Variants in CACNB2 observed in about 807,000 individuals in gnomAD.
CACNB2 encodes the protein calcium voltage-gated channel auxiliary subunit beta 2.
Under a neutral mutation model 73.3 loss-of-function variants are expected in CACNB2, and 42 were observed. That is an observed-to-expected ratio of 0.57 (90% confidence interval 0.45 to 0.74). The LOEUF (loss-of-function observed/expected upper bound fraction) is 0.74, where lower values mean the gene tolerates loss of function less well. Among genes scored for constraint, CACNB2 ranks in the 30% least tolerant of loss-of-function variants. The pLI, the probability that CACNB2 is intolerant of heterozygous loss-of-function variation, is 0.00. For missense variants in CACNB2, 940 were observed against 853.0 expected, an observed-to-expected ratio of 1.10 and a Z score of -1.27; for synonymous variants, 348 against 310.3, an observed-to-expected ratio of 1.12 and a Z score of -1.28.
intron 2 of CACNB2, among the ~76,000 whole-genome samples, chr10:18,152,721 A>AAAC (rs1564298303): frequency 7.5e-6 from 1 of 134,158 alleles, no homozygotes; most frequent in African/African-American, 3.1e-5. Flanking sequence ...AAAAAAAAAA[A>AAAC]AAAAAAAAAA....
intron 2 of CACNB2, among the ~76,000 whole-genome samples, chr10:18,177,551 C>A (rs1453492089): frequency 1.3e-5 from 2 of 150,938 alleles, no homozygotes; most frequent in African/African-American, 4.9e-5. Flanking sequence ...GGCACTCCAG[C>A]CTGGAAGACA....
chr10:18,266,590 T>G (rs1382995272), intron 2 of CACNB2, among the ~76,000 whole-genome samples: 1 of 151,996 alleles, frequency 6.6e-6, no homozygotes, highest in African/African-American at 2.4e-5. Context: ...TCCCGACAGT[T>G]AAAATAAGTG....
At position 18,508,456 on chromosome 10, in the gene CACNB2, T is replaced by C. The variant is rs115250387; in HGVS notation, c.670+1909T>C. Among the ~76,000 whole-genome samples, 135 of 152,300 alleles carry C rather than the reference T, an allele frequency of 8.9e-4. 1 individual carries two copies. Among genetic ancestry groups the C allele is most frequent in the African/African-American group, 3.2e-3 (131 of 41,570 alleles). On this transcript the variant is annotated intron_variant, in intron 6 of 13. Transcript: ENST00000324631. ...TTCCTATATAAACCTTACACTCTTATATATCTCAAAGATGATTTCAGTGAT... is the reference window on the plus strand; with the variant it reads ...TTCCTATATAAACCTTACACTCTTACATATCTCAAAGATGATTTCAGTGAT...
intron 2 of CACNB2, among the ~76,000 whole-genome samples, chr10:18,319,951 G>C (rs903785490): frequency 6.6e-6 from 1 of 152,218 alleles, no homozygotes; most frequent in Non-Finnish European, 1.5e-5. Flanking sequence ...CAGTGGTGAG[G>C]ATAGCAGCAC....
intron 2 of CACNB2, among the ~76,000 whole-genome samples, chr10:18,381,330 C>T (rs2043007149): frequency 6.6e-6 from 1 of 151,650 alleles, no homozygotes; most frequent in Non-Finnish European, 1.5e-5. Context: ...ATTGGTAAAA[C>T]CATTTGGTAA....
chr10:18,266,329 T>C lies in CACNB2; in HGVS notation c.213+115354T>C, dbSNP rs573140378. Among the ~76,000 whole-genome samples the C allele has an allele frequency of 3.9e-5, 6 of 152,292 alleles. No individual in the cohort carries two copies. In the South Asian group the frequency reaches 1.2e-3, roughly 32 times the overall value. On this transcript the variant is annotated intron_variant, in intron 2 of 13. Transcript: ENST00000324631. ...CAAGCTGAAATTGACTCTTATTCCA[T>C]GTATAGTGCTTTGGTCATCTTGTTT...
chr10:18,216,975 C>A (rs768161991), intron 2 of CACNB2, among the ~76,000 whole-genome samples: 54 of 152,244 alleles, frequency 3.5e-4, no homozygotes, highest in Middle Eastern at 6.8e-3. Flanking sequence ...CTAGCAATAA[C>A]CCAGAGATCC....
intron 2 of CACNB2, among the ~76,000 whole-genome samples, chr10:18,160,025 T>G (rs2032343070): frequency 1.3e-5 from 2 of 152,192 alleles, no homozygotes; most frequent in Non-Finnish European, 2.9e-5. Context: ...AGTCCCTTGT[T>G]TTTTCTGTAG....
At chr10:18,331,599 C>A (rs903381238) in intron 2 of CACNB2, among the ~76,000 whole-genome samples, 1 of 151,984 alleles carries the variant, frequency 6.6e-6, no homozygotes, top group Non-Finnish European at 1.5e-5. Flanking sequence ...CTTGTTCCTC[C>A]AACATGTTAC....
At chr10:18,386,752 T>C (rs984470378) in intron 2 of CACNB2, among the ~76,000 whole-genome samples, 11 of 152,282 alleles carry the variant, frequency 7.2e-5, no homozygotes, top group African/African-American at 2.6e-4. Context: ...ATAGCTTTTA[T>C]GTTTTGGAGT....
chr10:18,255,401 G>A (rs79629259), intron 2 of CACNB2, among the ~76,000 whole-genome samples: 3,521 of 152,154 alleles, frequency 0.023, 131 homozygotes, highest in African/African-American at 0.081. Flanking sequence ...TCTAATTCTC[G>A]AAGATGTCAA....
intron 3 of CACNB2, among the ~76,000 whole-genome samples, chr10:18,460,810 A>G (rs896495540): frequency 5.1e-4 from 76 of 150,264 alleles, no homozygotes; most frequent in Non-Finnish European, 2.1e-4. Context: ...AGACCACTTG[A>G]GCGTGGGAGG....
intron 2 of CACNB2, chr10:18,261,366 T>G: frequency 1.3e-6 from 2 of 1,551,468 alleles, no homozygotes; most frequent in Non-Finnish European, 1.7e-6. Flanking sequence ...AAAATACTAT[T>G]CGTGTCTGTC....
At chr10:18,399,575 G>T (rs2043886424) in intron 2 of CACNB2, among the ~76,000 whole-genome samples, 1 of 152,000 alleles carries the variant, frequency 6.6e-6, no homozygotes, top group Non-Finnish European at 1.5e-5. Flanking sequence ...TTGAGATAGG[G>T]TCTCACTATG....
intron 2 of CACNB2, among the ~76,000 whole-genome samples, chr10:18,372,648 C>T (rs990746133): frequency 3.3e-5 from 5 of 152,186 alleles, no homozygotes; most frequent in Non-Finnish European, 7.3e-5. Flanking sequence ...CTCAGGTCAT[C>T]CACCCGCCTT....
intron 2 of CACNB2, among the ~76,000 whole-genome samples, chr10:18,226,025 C>A (rs1159378062): frequency 7.1e-6 from 1 of 140,114 alleles, no homozygotes; most frequent in Admixed American, 6.7e-5. Context: ...CTTTTCTTTT[C>A]TTTTCTTTTT....
At chr10:18,354,586 G>T (rs1310437520) in intron 2 of CACNB2, among the ~76,000 whole-genome samples, 1 of 152,116 alleles carries the variant, frequency 6.6e-6, no homozygotes, top group Non-Finnish European at 1.5e-5. Flanking sequence ...TTATTTTGTG[G>T]TGTTTTTGTT....
At chr10:18,373,719 A>AT (rs1229710074) in intron 2 of CACNB2, among the ~76,000 whole-genome samples, 1 of 152,064 alleles carries the variant, frequency 6.6e-6, no homozygotes, top group Non-Finnish European at 1.5e-5. Context: ...TTTCATTAGT[A>AT]TTTTTTTGAT....
chr10:18,496,974 G>C (rs1192719581), intron 3 of CACNB2, among the ~76,000 whole-genome samples: 1 of 151,726 alleles, frequency 6.6e-6, no homozygotes. Flanking sequence ...ACTTTGGGAG[G>C]CTGAGGCGGG....
Sources: allele counts gnomAD v4.1 joint callset (sites outside exome capture counted in the v4.1 genomes callset), GRCh38; gene constraint gnomAD v4.1.1; transcripts MANE v1.5; gene names NCBI Gene and HGNC (gene_info 2026-07-23, HGNC 2026-07-21).